Variants in PCDHGB1 observed in about 807,000 individuals in gnomAD.
The protein encoded by PCDHGB1 is protocadherin gamma-B1.
Under a neutral mutation model 56.6 loss-of-function variants are expected in PCDHGB1, and 34 were observed. The observed-to-expected ratio is 0.60, with a 90% confidence interval of 0.46 to 0.80. The LOEUF (loss-of-function observed/expected upper bound fraction) is 0.80, where lower values mean the gene tolerates loss of function less well. PCDHGB1 is among the 30% of genes least tolerant of loss of function. The pLI is 0.00. For missense variants in PCDHGB1, 1,278 were observed against 1,204.6 expected, an observed-to-expected ratio of 1.06 and a Z score of -0.90; for synonymous variants, 561 against 505.9, an observed-to-expected ratio of 1.11 and a Z score of -1.46.
chr5:141,477,066 T>C lies in PCDHGB1; in HGVS notation c.2410-17741T>C. ...CGGCTGGACTTCGAGGACACCAAAC[T>C]CCATGAGATTTACATCCAGGCCAAA... On this transcript the variant is annotated intron_variant, in intron 1 of 3. Coordinates refer to ENST00000523390, the MANE Select transcript of PCDHGB1 (RefSeq NM_018922.3). This position sits in a 1 kb window ranked among gnomAD's most constrained non-coding sequence, Gnocchi z 4.9. 6.2e-7 allele frequency: 1 copy of C among 1,614,148 alleles called. No homozygotes were observed. The highest frequency in any genetic ancestry group is 8.5e-7 in the Non-Finnish European group (1 of 1,180,028).
chr5:141,490,862 C>G lies in PCDHGB1; in HGVS notation c.2410-3945C>G. 1 of 1,613,878 alleles carries G rather than the reference C, an allele frequency of 6.2e-7. No homozygotes were observed. Among genetic ancestry groups the G allele is most frequent in the East Asian group, 2.2e-5 (1 of 44,874 alleles). ...GTGGTGGGGGTTCGAGACTCCGGCTCTCCCCCATTGCATGCCAACACATCT... is the reference window on the plus strand; with the variant it reads ...GTGGTGGGGGTTCGAGACTCCGGCTGTCCCCCATTGCATGCCAACACATCT... On this transcript the variant is annotated intron_variant, in intron 1 of 3. Coordinates refer to ENST00000523390, the MANE Select transcript of PCDHGB1 (RefSeq NM_018922.3). The surrounding 1 kb of genome is among the most constrained non-coding windows in gnomAD (Gnocchi z 5.4).
At position 141,362,194 on chromosome 5, in the gene PCDHGB1, A is replaced by G. The variant is rs57735633; in HGVS notation, c.2409+9525A>G. Reference sequence around the variant, plus strand: ...CCGGGAGCCCTCTGACCCCCAGGCAAAACTGCAGTTTTACCTGGTTGTGGC... The same window carrying G: ...CCGGGAGCCCTCTGACCCCCAGGCAGAACTGCAGTTTTACCTGGTTGTGGC... On this transcript the variant is annotated intron_variant, in intron 1 of 3. Transcript: ENST00000523390. 152,892 of 1,613,780 alleles carry G rather than the reference A, an allele frequency of 0.095. 8,939 individuals are homozygous for G. Among genetic ancestry groups the G allele is most frequent in the African/African-American group, 0.29 (21,446 of 74,936 alleles).
At chr5:141,438,249 A>G (rs1166079222) in intron 1 of PCDHGB1, among the ~76,000 whole-genome samples, 2 of 152,168 alleles carry the variant, frequency 1.3e-5, no homozygotes, top group Non-Finnish European at 2.9e-5. Context: ...AAAAACTGTC[A>G]TTGAAGAGAC....
In PCDHGB1 at chr5:141,489,984, T is replaced by C; in HGVS notation, c.2410-4823T>C. The C allele has an allele frequency of 1.2e-6, 2 of 1,614,212 alleles. No homozygotes were observed. Among genetic ancestry groups the C allele is most frequent in the South Asian group, 1.1e-5 (1 of 91,090 alleles). ...CAACCTTCCAATCCTCAGTTCTACG[T>C]GTGGGAATCCCAGAGAATGCACCCA... On this transcript the variant is annotated intron_variant, in intron 1 of 3. Transcript: ENST00000523390. The surrounding 1 kb of genome is among the most constrained non-coding windows in gnomAD (Gnocchi z 4.5).
chr5:141,503,213 A>G (rs1368413073), intron 2 of PCDHGB1, among the ~76,000 whole-genome samples: 1 of 152,100 alleles, frequency 6.6e-6, no homozygotes, highest in Non-Finnish European at 1.5e-5. Flanking sequence ...AGTGCCCACC[A>G]TGAGCACCGT....
chr5:141,410,215 A>G (rs2095369286), intron 1 of PCDHGB1: 11 of 1,613,894 alleles, frequency 6.8e-6, no homozygotes, highest in Non-Finnish European at 8.5e-6. Flanking sequence ...TGCAAGAGAT[A>G]CTGCCAGACC....
At position 141,352,508 on chromosome 5, in the gene PCDHGB1, CTA is replaced by C; in HGVS notation, c.2250_2251del (p.Cys751TyrfsTer11). The C allele has an allele frequency of 6.2e-7, 1 of 1,614,022 alleles. No homozygotes were observed. Among genetic ancestry groups the C allele is most frequent in the African/African-American group, 1.3e-5 (1 of 75,060 alleles). On this transcript the variant is annotated frameshift_variant, in exon 1 of 4. Coordinates refer to ENST00000523390, the MANE Select transcript of PCDHGB1 (RefSeq NM_018922.3). LOFTEE classifies it high-confidence loss of function. ...GGGGACTTTGCCCTATTCCTACAAT[CTA>C]TGTATTGCCTCTCATTCTGCAAAGA... ...SEGTLPYSYN[L>X]CIASHSAKTE... is the part of the protein sequence containing the mutation.
intron 1 of PCDHGB1, among the ~76,000 whole-genome samples, chr5:141,474,193 A>C (rs2099345142): frequency 6.6e-6 from 1 of 152,256 alleles, no homozygotes. Context: ...TACATTTTTA[A>C]AAGCTGATTT....
At chr5:141,404,110 C>G (rs1283800962) in intron 1 of PCDHGB1, 1 of 1,613,336 alleles carries the variant, frequency 6.2e-7, no homozygotes, top group South Asian at 1.1e-5. Context: ...TCTGTTCTAT[C>G]CAGGAGAATC....
At chr5:141,458,989 T>C (rs1341538997) in intron 1 of PCDHGB1, among the ~76,000 whole-genome samples, 1 of 152,134 alleles carries the variant, frequency 6.6e-6, no homozygotes, top group Non-Finnish European at 1.5e-5. Flanking sequence ...TGCCTCACCC[T>C]CCCAAAGTGC....
chr5:141,422,677 C>G, intron 1 of PCDHGB1: 1 of 1,606,186 alleles, frequency 6.2e-7, no homozygotes, highest in Non-Finnish European at 8.5e-7. Context: ...GGACAGCAAA[C>G]AGAATGCCCT....
intron 1 of PCDHGB1, among the ~76,000 whole-genome samples, chr5:141,463,839 T>C (rs1356261890): frequency 1.3e-5 from 2 of 152,240 alleles, no homozygotes; most frequent in African/African-American, 4.8e-5. Flanking sequence ...TTCCCAGTTG[T>C]TATAGTGGTA....
chr5:141,383,350 C>CG (rs766222030), intron 1 of PCDHGB1: 7 of 1,613,870 alleles, frequency 4.3e-6, no homozygotes, highest in Non-Finnish European at 5.9e-6. Context: ...TCCTGGGGTT[C>CG]GGTTTCCGTT....
intron 1 of PCDHGB1, among the ~76,000 whole-genome samples, chr5:141,462,903 T>A (rs1455334521): frequency 6.6e-6 from 1 of 152,208 alleles, no homozygotes; most frequent in Non-Finnish European, 1.5e-5. Context: ...GGAAGGCTAT[T>A]ATGTTTTTTG....
chr5:141,451,163 G>A (rs2098709493), intron 1 of PCDHGB1, among the ~76,000 whole-genome samples: 1 of 152,086 alleles, frequency 6.6e-6, no homozygotes, highest in African/African-American at 2.4e-5. Flanking sequence ...TTTTTTGGTA[G>A]TATATTATTT....
rs759356451 is a variant in PCDHGB1, at chr5:141,476,397, G to C, written c.2410-18410G>C. On this transcript the variant is annotated intron_variant, in intron 1 of 3. Transcript: ENST00000523390. The surrounding 1 kb of genome is among the most constrained non-coding windows in gnomAD (Gnocchi z 7.6). ...ATGTTTGTGAACGACCGTCTGGATC[G>C]AGAGGAGCTGTGTGGGACACTGCCC... The C allele has an allele frequency of 6.2e-7, 1 of 1,614,142 alleles. No individual in the cohort carries two copies. The highest frequency in any genetic ancestry group is 8.5e-7 in the Non-Finnish European group (1 of 1,180,036).
At chr5:141,356,419 C>T (rs1282680268) in intron 1 of PCDHGB1, 1 of 1,604,760 alleles carries the variant, frequency 6.2e-7, no homozygotes, top group Non-Finnish European at 8.5e-7. Flanking sequence ...GTTGTTGACA[C>T]ACAGAACACT....
In PCDHGB1 at chr5:141,352,657, T is replaced by C. The variant is rs1387193167; in HGVS notation, c.2397T>C (p.Ser799=). 6.3e-7 allele frequency: 1 copy of C among 1,596,844 alleles called. No homozygotes were observed. Among genetic ancestry groups the C allele is most frequent in the Admixed American group, 1.8e-5 (1 of 56,736 alleles). The change falls in exon 1 of 4, where the codon TCT becomes TCC. Residue 799 remains serine, a synonymous_variant. Transcript: ENST00000523390. ...NEDHKIAYDP[S]LSSHQAPPNT... is the part of the protein sequence containing the mutation. ...ATCACAAAATCGCTTATGACCCTTCTTTGTCTTCGCACGTGAGTTTCTGCA... is the reference window on the plus strand; with the variant it reads ...ATCACAAAATCGCTTATGACCCTTCCTTGTCTTCGCACGTGAGTTTCTGCA...
intron 1 of PCDHGB1, chr5:141,405,262 C>T (rs1352663124): frequency 1.9e-6 from 3 of 1,614,012 alleles, no homozygotes; most frequent in Non-Finnish European, 2.5e-6. Context: ...ACCTGATCTT[C>T]CCCCAGCCCA....
Sources: allele counts gnomAD v4.1 joint callset (sites outside exome capture counted in the v4.1 genomes callset), GRCh38; gene constraint gnomAD v4.1.1; non-coding constraint Gnocchi (gnomAD v3.1); transcripts MANE v1.5; gene names NCBI Gene and HGNC (gene_info 2026-07-23, HGNC 2026-07-21).